Variants in RPL7L1 observed in about 807,000 individuals in gnomAD.
The protein encoded by RPL7L1 is ribosomal protein L7 like 1.
Under a neutral mutation model 30.3 loss-of-function variants are expected in RPL7L1, and 20 were observed. That is an observed-to-expected ratio of 0.66 (90% confidence interval 0.46 to 0.96). The LOEUF (loss-of-function observed/expected upper bound fraction) is 0.96, where lower values mean the gene tolerates loss of function less well. Ranked by LOEUF, RPL7L1 falls within the 40% of genes least tolerant of loss-of-function variation. The pLI, the probability that RPL7L1 is intolerant of heterozygous loss-of-function variation, is 0.00. For synonymous variants in RPL7L1, 107 were observed against 110.1 expected (o/e 0.97, Z 0.18); for missense variants, 271 against 314.9 (o/e 0.86, Z 1.05).
In RPL7L1 at chr6:42,886,404, G is replaced by T; in HGVS notation, c.708G>T (p.Glu236Asp). ...AAAATAGAGTGGGCTTCCTCAAGGA[G>T]ATGGGCACACCTGGCTATCGGGGTG... ...ATKNRVGFLK[E>D]MGTPGYRGER... The change falls in exon 6 of 6, where the codon GAG (glutamate) becomes GAT (aspartate). Residue 236 changes from glutamate (E) to aspartate (D), a missense_variant. By Grantham distance (45) the Glu-to-Asp change is conservative (BLOSUM62 2). Transcript: ENST00000493763. The T allele has an allele frequency of 6.3e-7, 1 of 1,596,996 alleles. No homozygotes were observed.
intron 2 of RPL7L1, chr6:42,882,464 GC>G (rs1253924632): frequency 6.6e-6 from 1 of 151,608 alleles, no homozygotes; most frequent in Non-Finnish European, 1.5e-5. Context: ...ACTGTGGCAT[GC>G]GCCTGTAATC....
intron 2 of RPL7L1, 27 bp from the exon 3 acceptor site, chr6:42,883,424 G>T (rs1046113714): frequency 6.6e-7 from 1 of 1,526,714 alleles, no homozygotes; most frequent in South Asian, 1.3e-5. Context: ...GGCACAAGAT[G>T]ATGATGATGG....
At chr6:42,885,320 A>T (rs1214558140) in intron 4 of RPL7L1, among the ~76,000 whole-genome samples, 2 of 111,952 alleles carry the variant, frequency 1.8e-5, no homozygotes, top group Non-Finnish European at 3.7e-5. Flanking sequence ...ACTGCAATCC[A>T]CTCTGTCTCA....
Position 42,883,435 on chromosome 6 carries a change from T to C in RPL7L1, c.148-16T>C. The C allele has an allele frequency of 6.5e-7, 1 of 1,544,092 alleles. No individual in the cohort carries two copies. Among genetic ancestry groups the C allele is most frequent in the African/African-American group, 1.4e-5 (1 of 72,270 alleles). ...TGGAGGCACAAGATGATGATGATGGTCTGTCTTCTCTGTAGCAGAAGAAAG... is the reference window on the plus strand; with the variant it reads ...TGGAGGCACAAGATGATGATGATGGCCTGTCTTCTCTGTAGCAGAAGAAAG... On this transcript the variant is annotated splice_polypyrimidine_tract_variant and intron_variant, in intron 2 of 5. Transcript: ENST00000493763.
At position 42,888,142 on chromosome 6, in the gene RPL7L1, C is replaced by T. The variant is rs1766345135; in HGVS notation, c.*1678C>T. The T allele has an allele frequency of 6.6e-6, 1 of 152,132 alleles. No individual in the cohort carries two copies. Among genetic ancestry groups the T allele is most frequent in the African/African-American group, 2.4e-5 (1 of 41,412 alleles). The allele number at this position is 152,132 out of a possible 1,614,324, so 9.4% of individuals were successfully genotyped here. On this transcript the variant is annotated 3_prime_UTR_variant, in exon 6 of 6. Coordinates refer to ENST00000493763, the MANE Select transcript of RPL7L1 (RefSeq NM_001366481.3). ...AGGGTGTTTAGACCCTTCTCAGATA[C>T]CTGTGCATCTTATGGGTTTTGTTTT...
chr6:42,879,829 C>G lies in RPL7L1; in HGVS notation c.-82C>G. 1 of 1,459,998 alleles carries G rather than the reference C, an allele frequency of 6.8e-7. No homozygotes were observed. Among genetic ancestry groups the G allele is most frequent in the Admixed American group, 1.7e-5 (1 of 59,600 alleles). The allele number at this position is 1,459,998 out of a possible 1,614,324, so 90.4% of individuals were successfully genotyped here. A position where few individuals can be genotyped will look rare whatever the true frequency, so the allele number is the denominator to read the frequency against. On this transcript the variant is annotated 5_prime_UTR_variant, in exon 1 of 6. Coordinates refer to ENST00000493763, the MANE Select transcript of RPL7L1 (RefSeq NM_001366481.3). ...TGCGGCTAAGTGAACGCTGACTGGT[C>G]CTCCAGCGTGAGCTAGAACAGACGT...
Position 42,880,913 on chromosome 6 carries a change from T to C in RPL7L1, c.94T>C (p.Tyr32His). The C allele has an allele frequency of 6.2e-7, 1 of 1,610,360 alleles. No homozygotes were observed. The highest frequency in any genetic ancestry group is 8.5e-7 in the Non-Finnish European group (1 of 1,176,880). ...PENLLKKRKA[Y>H]QALKATQAKQ... ...AAATCTCCTGAAAAAGAGGAAGGCT[T>C]ATCAAGCCCTCAAAGCCACCCAGGC... The change falls in exon 2 of 6, where the codon TAT (tyrosine) becomes CAT (histidine). Residue 32 changes from tyrosine to histidine, a missense_variant. Tyr to His is a moderately conservative substitution (Grantham distance 83, BLOSUM62 2). Coordinates refer to ENST00000493763, the MANE Select transcript of RPL7L1 (RefSeq NM_001366481.3).
rs189314695 is a variant in RPL7L1, at chr6:42,886,587, T to C, written c.*123T>C. ...AGAGTAACCTTGAGATTGGGAGGAA[T>C]AGAGGAGGCTGGTACAAATAGATGG... On this transcript the variant is annotated 3_prime_UTR_variant, in exon 6 of 6. Coordinates refer to ENST00000493763, the MANE Select transcript of RPL7L1 (RefSeq NM_001366481.3). 5.7e-4 allele frequency: 378 copies of C among 662,160 alleles called. 2 individuals are homozygous for C. Among genetic ancestry groups the C allele is most frequent in the African/African-American group, 2.8e-3 (156 of 55,796 alleles). The allele number at this position is 662,160 out of a possible 1,614,324, so 41.0% of individuals were successfully genotyped here. A position where few individuals can be genotyped will look rare whatever the true frequency, so the allele number is the denominator to read the frequency against.
At position 42,880,926 on chromosome 6, in the gene RPL7L1, A is replaced by C. The variant is rs147359090; in HGVS notation, c.107A>C (p.Lys36Thr). Reference protein sequence around the residue: ...LKKRKAYQALKATQAKQALLA... With the variant: ...LKKRKAYQALTATQAKQALLA... ...AAGAGGAAGGCTTATCAAGCCCTCA[A>C]AGCCACCCAGGCAAAGCAGGCACTT... The change falls in exon 2 of 6, where the codon AAA (lysine) becomes ACA (threonine). Residue 36 changes from lysine to threonine, a missense_variant. Coordinates refer to ENST00000493763, the MANE Select transcript of RPL7L1 (RefSeq NM_001366481.3). 1 of 1,607,124 alleles carries C rather than the reference A, an allele frequency of 6.2e-7. No homozygotes were observed. Among genetic ancestry groups the C allele is most frequent in the Admixed American group, 1.7e-5 (1 of 59,946 alleles).
At chr6:42,885,440 C>G (rs535486396) in intron 4 of RPL7L1, 99 of 153,072 alleles carry the variant, frequency 6.5e-4, no homozygotes, top group Middle Eastern at 6.8e-3. Context: ...AAAAATTAGC[C>G]TGGCACCTGT....
chr6:42,884,942 A>G (rs1429001057), intron 4 of RPL7L1, among the ~76,000 whole-genome samples, 192 bp downstream of exon 4: 1 of 152,284 alleles, frequency 6.6e-6, no homozygotes, highest in African/African-American at 2.4e-5. Context: ...ACAATACCAT[A>G]GTAGGGCTGG....
chr6:42,879,836 C>T lies in RPL7L1; in HGVS notation c.-75C>T, dbSNP rs535681540. ...AAGTGAACGCTGACTGGTCCTCCAG[C>T]GTGAGCTAGAACAGACGTCTCTATG... On this transcript the variant is annotated 5_prime_UTR_variant, in exon 1 of 6. Coordinates refer to ENST00000493763, the MANE Select transcript of RPL7L1 (RefSeq NM_001366481.3). 2.0e-6 allele frequency: 3 copies of T among 1,505,922 alleles called. No individual in the cohort carries two copies. Among genetic ancestry groups the T allele is most frequent in the African/African-American group, 1.4e-5 (1 of 72,814 alleles). The allele number at this position is 1,505,922 out of a possible 1,614,324, so 93.3% of individuals were successfully genotyped here. A position where few individuals can be genotyped will look rare whatever the true frequency, so the allele number is the denominator to read the frequency against.
rs932298160 is a variant in RPL7L1, at chr6:42,888,133, T to C, written c.*1669T>C. On this transcript the variant is annotated 3_prime_UTR_variant, in exon 6 of 6. Transcript: ENST00000493763. ...TGCAGTTCTAGGGTGTTTAGACCCT[T>C]CTCAGATACCTGTGCATCTTATGGG... 3 of 152,298 alleles carry C rather than the reference T, an allele frequency of 2.0e-5. No individual in the cohort carries two copies. The highest frequency in any genetic ancestry group is 7.2e-5 in the African/African-American group (3 of 41,558). The allele number at this position is 152,298 out of a possible 1,614,324, so 9.4% of individuals were successfully genotyped here.
At chr6:42,885,367 G>A (rs1429029114) in intron 4 of RPL7L1, among the ~76,000 whole-genome samples, 1 of 150,850 alleles carries the variant, frequency 6.6e-6, no homozygotes, top group Non-Finnish European at 1.5e-5. Flanking sequence ...TGGATCACGA[G>A]GTCGGGAGAT....
At chr6:42,882,917 AGAAC>A (rs1766132384) in intron 2 of RPL7L1, 1 of 152,438 alleles carries the variant, frequency 6.6e-6, no homozygotes, top group Non-Finnish European at 1.5e-5. Context: ...GAAAAAAAAA[AGAAC>A]AAGGAGTGAG....
Position 42,886,503 on chromosome 6 carries a change from A to T in RPL7L1, c.*39A>T. ...AGGGCTGAAAACTGCCCTTGGGCTG[A>T]CTTTTGATAGGCCATGCCTTGCCAC... On this transcript the variant is annotated 3_prime_UTR_variant, in exon 6 of 6. Coordinates refer to ENST00000493763, the MANE Select transcript of RPL7L1 (RefSeq NM_001366481.3). 1.0e-6 allele frequency: 1 copy of T among 973,172 alleles called. No homozygotes were observed. The highest frequency in any genetic ancestry group is 1.3e-5 in the South Asian group (1 of 75,232). The allele number at this position is 973,172 out of a possible 1,614,324, so 60.3% of individuals were successfully genotyped here.
Position 42,880,892 on chromosome 6 carries a change from C to T in RPL7L1, c.73C>T (p.Leu25Phe). The T allele has an allele frequency of 3.1e-6, 5 of 1,606,376 alleles. No individual in the cohort carries two copies. The highest frequency in any genetic ancestry group is 1.3e-5 in the African/African-American group (1 of 74,810). Residue 25 changes from leucine (L) to phenylalanine (F), a missense_variant, in exon 2 of 6, where the codon CTC becomes TTC. By Grantham distance (22) the Leu-to-Phe change is conservative (BLOSUM62 0). Transcript: ENST00000493763. ...QRKIPLVPEN[L>F]LKKRKAYQAL... The stretch of plus-strand genomic sequence containing the variant: ...AAAAATCCCTTTGGTTCCAGAAAAT[C>T]TCCTGAAAAAGAGGAAGGCTTATCA...
At chr6:42,880,172 C>T (rs1476540679) in intron 1 of RPL7L1, among the ~76,000 whole-genome samples, 2 of 152,072 alleles carry the variant, frequency 1.3e-5, no homozygotes, top group African/African-American at 4.8e-5. Context: ...CTTCAGGCAG[C>T]GGGCTGGAGT....
chr6:42,886,398 C>G lies in RPL7L1; in HGVS notation c.702C>G (p.Leu234=). The G allele has an allele frequency of 6.3e-7, 1 of 1,597,172 alleles. No individual in the cohort carries two copies. Among genetic ancestry groups the G allele is most frequent in the Middle Eastern group, 2.3e-4 (1 of 4,428 alleles). ...RHATKNRVGF[L]KEMGTPGYRG... Reference sequence around the variant, plus strand: ...CTACCAAAAATAGAGTGGGCTTCCTCAAGGAGATGGGCACACCTGGCTATC... The same window carrying G: ...CTACCAAAAATAGAGTGGGCTTCCTGAAGGAGATGGGCACACCTGGCTATC... Residue 234 remains leucine, a synonymous_variant, in exon 6 of 6, where the codon CTC becomes CTG. Coordinates refer to ENST00000493763, the MANE Select transcript of RPL7L1 (RefSeq NM_001366481.3).
Sources: allele counts gnomAD v4.1 joint callset (sites outside exome capture counted in the v4.1 genomes callset), GRCh38; gene constraint gnomAD v4.1.1; transcripts MANE v1.5; gene names NCBI Gene and HGNC (gene_info 2026-07-23, HGNC 2026-07-21).